PCGF6: variants seen among roughly 807,000 people sequenced by gnomAD.
The protein encoded by PCGF6 is polycomb group ring finger 6.
In PCGF6, 24 loss-of-function variants were observed where a neutral mutation model predicts 45.5. The ratio of observed to expected loss-of-function variants is 0.53; its 90% CI spans 0.38 to 0.74. PCGF6 has a LOEUF of 0.74. PCGF6 is among the 30% of genes least tolerant of loss of function. The pLI, the probability that PCGF6 is intolerant of heterozygous loss-of-function variation, is 0.00. For missense variants in PCGF6, 356 were observed against 443.2 expected (o/e 0.80, Z 1.77); for synonymous variants, 152 against 162.1 (o/e 0.94, Z 0.47).
chr10:103,304,747 C>G (rs2093132028), intron 9 of PCGF6, among the ~76,000 whole-genome samples: 1 of 151,954 alleles, frequency 6.6e-6, no homozygotes, highest in African/African-American at 2.4e-5. Context: ...CCTTGACCAC[C>G]TGGGCTCAAG....
At chr10:103,317,815 G>C (rs958711397) in intron 8 of PCGF6, among the ~76,000 whole-genome samples, 1 of 151,562 alleles carries the variant, frequency 6.6e-6, no homozygotes, top group Non-Finnish European at 1.5e-5. Context: ...GGAGGGCAAT[G>C]ACGCAACCTT....
Position 103,348,483 on chromosome 10 carries a change from T to C in PCGF6, c.557+233A>G, listed in dbSNP as rs1198608224. 61 of 299,582 alleles carry C rather than the reference T, an allele frequency of 2.0e-4. No homozygotes were observed. In the Admixed American group the frequency reaches 3.0e-3, roughly 15 times the overall value. The allele number at this position is 299,582 out of a possible 1,614,324, so 18.6% of individuals were successfully genotyped here. A position where few individuals can be genotyped will look rare whatever the true frequency, so the allele number is the denominator to read the frequency against. On this transcript the variant is annotated intron_variant, in intron 3 of 9. Coordinates refer to ENST00000369847, the MANE Select transcript of PCGF6 (RefSeq NM_001011663.2). Reference sequence around the variant, plus strand: ...TCCCAAGTAGCTGGGATTACAGGCATGTGCCGCCACTCCTGGCTAATAGTG... The same window carrying C: ...TCCCAAGTAGCTGGGATTACAGGCACGTGCCGCCACTCCTGGCTAATAGTG...
intron 5 of PCGF6, among the ~76,000 whole-genome samples, chr10:103,346,024 C>T (rs187575588): frequency 1.1e-3 from 172 of 150,928 alleles, no homozygotes; most frequent in Middle Eastern, 3.4e-3. Context: ...GAAACCCCAT[C>T]TCTACTAAAA....
intron 6 of PCGF6, among the ~76,000 whole-genome samples, chr10:103,342,295 A>G (rs971442793): frequency 1.3e-5 from 2 of 150,520 alleles, no homozygotes; most frequent in Admixed American, 1.3e-4. Flanking sequence ...GTGCAACAGC[A>G]TAATCTTGGG....
At chr10:103,347,148 G>A in intron 5 of PCGF6, 90 bp downstream of exon 5, 1 of 966,002 alleles carries the variant, frequency 1.0e-6, no homozygotes, top group South Asian at 1.6e-5. Context: ...CATATAATAA[G>A]CTACCCCCAA....
chr10:103,326,388 CAAAAA>C (rs371726949), intron 8 of PCGF6, 141 bp downstream of exon 8: 59 of 240,048 alleles, frequency 2.5e-4, no homozygotes, highest in East Asian at 2.9e-4. Context: ...GACTCCATCT[CAAAAA>C]AAAAAAAAAA....
chr10:103,329,463 TC>T (rs2093231824), intron 7 of PCGF6, among the ~76,000 whole-genome samples: 1 of 152,090 alleles, frequency 6.6e-6, no homozygotes, highest in South Asian at 2.1e-4. Context: ...AAACAAAAAT[TC>T]TAACATAAGC....
intron 6 of PCGF6, among the ~76,000 whole-genome samples, chr10:103,339,554 G>T (rs2093270643): frequency 1.3e-5 from 2 of 151,680 alleles, no homozygotes; most frequent in South Asian, 2.1e-4. Flanking sequence ...ACTTTGGGAG[G>T]CCAAGGCAGG....
In PCGF6 at chr10:103,350,868, C is replaced by G. The variant is rs776607617; in HGVS notation, c.199G>C (p.Glu67Gln). ...CCTCTGAAGCGGCCCAGGCTGCGCT[C>G]CGGCTCCAGCTCAGGGGGCCGGGAG... ...SGSRPPELEPERSLGRFRGRF... is the reference protein window; with the variant it reads ...SGSRPPELEPQRSLGRFRGRF... The change falls in exon 1 of 10, where the codon GAG becomes CAG. Residue 67 changes from glutamate (E) to glutamine (Q), a missense_variant. By Grantham distance (29) the Glu-to-Gln change is conservative. This residue lies in a region of PCGF6 where 307 missense variants were observed against 350.1 expected (regional missense o/e 0.88). Transcript: ENST00000369847. 8 of 1,539,862 alleles carry G rather than the reference C, an allele frequency of 5.2e-6. No individual in the cohort carries two copies. The highest frequency in any genetic ancestry group is 2.5e-5 in the East Asian group (1 of 39,956).
At chr10:103,339,723 G>A (rs1001383035) in intron 6 of PCGF6, among the ~76,000 whole-genome samples, 5 of 150,886 alleles carry the variant, frequency 3.3e-5, no homozygotes, top group Admixed American at 2.0e-4. Context: ...CCGGAAGACT[G>A]AGGACTGAGG....
At chr10:103,332,340 C>T (rs749897717) in intron 7 of PCGF6, among the ~76,000 whole-genome samples, 30 of 152,090 alleles carry the variant, frequency 2.0e-4, no homozygotes, top group African/African-American at 7.2e-4. Flanking sequence ...AGTGTAGTGA[C>T]GCAATCACAG....
chr10:103,307,961 C>T (rs1177813786), intron 9 of PCGF6, among the ~76,000 whole-genome samples: 1 of 152,116 alleles, frequency 6.6e-6, no homozygotes, highest in Non-Finnish European at 1.5e-5. Flanking sequence ...TTTGGCCAGG[C>T]ATGCTGGCTC....
At chr10:103,343,440 G>C (rs1461879840) in intron 6 of PCGF6, among the ~76,000 whole-genome samples, 1 of 152,070 alleles carries the variant, frequency 6.6e-6, no homozygotes, top group Non-Finnish European at 1.5e-5. Context: ...TTAAGCGTTT[G>C]AAAACTAGTT....
At chr10:103,335,498 GA>G (rs2093253382) in intron 6 of PCGF6, among the ~76,000 whole-genome samples, 2 of 152,012 alleles carry the variant, frequency 1.3e-5, no homozygotes, top group Non-Finnish European at 1.5e-5. Context: ...GAATAGGTGG[GA>G]CTACAGGCAC....
At chr10:103,325,293 G>A (rs1194205455) in intron 8 of PCGF6, among the ~76,000 whole-genome samples, 4 of 151,912 alleles carry the variant, frequency 2.6e-5, no homozygotes, top group East Asian at 1.9e-4. Flanking sequence ...TCGCTCTGTC[G>A]TCCAGGCTGG....
chr10:103,338,040 G>A (rs2093264138), intron 6 of PCGF6, among the ~76,000 whole-genome samples: 1 of 44,770 alleles, frequency 2.2e-5, no homozygotes, highest in African/African-American at 7.7e-5. Flanking sequence ...CTCCAGCCTG[G>A]GTGACAGAGC....
Position 103,326,608 on chromosome 10 carries a change from C to T in PCGF6, c.835G>A (p.Val279Ile), listed in dbSNP as rs2093219729. 1.2e-6 allele frequency: 2 copies of T among 1,608,860 alleles called. No homozygotes were observed. Among genetic ancestry groups the T allele is most frequent in the Non-Finnish European group, 1.7e-6 (2 of 1,178,964 alleles). Residue 279 changes from valine (V) to isoleucine (I), a missense_variant, in exon 8 of 10, where the codon GTT (valine) becomes ATT (isoleucine). Val to Ile is a conservative substitution (Grantham distance 29). This residue lies in a region of PCGF6 where 49 missense variants were observed against 93.0 expected (regional missense o/e 0.53). Transcript: ENST00000369847. ...TGTCCAATAGTTGCTTCTCCTGAAA[C>T]TCGAACAAACTTCTTTTCCAATGGC... is the stretch of plus-strand genomic sequence containing the variant. Reference protein sequence around the residue: ...FKPLEKKFVRVSGEATIGHVE... With the variant: ...FKPLEKKFVRISGEATIGHVE...
At chr10:103,347,766 G>A (rs1158762013) in intron 3 of PCGF6, among the ~76,000 whole-genome samples, 1 of 152,098 alleles carries the variant, frequency 6.6e-6, no homozygotes, top group Non-Finnish European at 1.5e-5. Flanking sequence ...ATGGCTCACT[G>A]CAGCCTCCAC....
chr10:103,336,709 C>G (rs2093258616), intron 6 of PCGF6, among the ~76,000 whole-genome samples: 1 of 151,930 alleles, frequency 6.6e-6, no homozygotes, highest in Non-Finnish European at 1.5e-5. Flanking sequence ...CTTATGTCTC[C>G]AATAAAAATA....
Sources: allele counts gnomAD v4.1 joint callset (sites outside exome capture counted in the v4.1 genomes callset), GRCh38; gene constraint gnomAD v4.1.1; regional missense constraint gnomAD v4.1.1; transcripts MANE v1.5; gene names NCBI Gene and HGNC (gene_info 2026-07-23, HGNC 2026-07-21).